Variants in EFCAB14 observed in about 807,000 individuals in gnomAD.
EFCAB14 encodes the protein EF-hand calcium binding domain 14, also known as EF-hand calcium-binding domain-containing protein 14.
EFCAB14 carries 43 observed loss-of-function variants against 56.5 expected under a neutral mutation model. The observed-to-expected ratio is 0.76, with a 90% CI of 0.60 to 0.98. The LOEUF (loss-of-function observed/expected upper bound fraction) is 0.98, where lower values mean the gene tolerates loss of function less well. Ranked by LOEUF, EFCAB14 falls within the 50% of genes least tolerant of loss-of-function variation. EFCAB14 has a pLI of 0.00. For synonymous variants in EFCAB14, 235 were observed against 212.9 expected, an observed-to-expected ratio of 1.10 and a Z score of -0.90; for missense variants, 538 against 580.3, an observed-to-expected ratio of 0.93 and a Z score of 0.75.
intron 2 of EFCAB14, among the ~76,000 whole-genome samples, chr1:46,713,800 G>T (rs1207143809): frequency 6.6e-6 from 1 of 152,170 alleles, no homozygotes; most frequent in Non-Finnish European, 1.5e-5. Flanking sequence ...ACAGACAGGT[G>T]TCTTCAGTGG....
At chr1:46,701,136 G>C (rs1677150153) in intron 3 of EFCAB14, among the ~76,000 whole-genome samples, 1 of 152,084 alleles carries the variant, frequency 6.6e-6, no homozygotes, top group Non-Finnish European at 1.5e-5. Context: ...TTTTTAAAAA[G>C]ACAAAAGATG....
At position 46,712,464 on chromosome 1, in the gene EFCAB14, A is replaced by C. The variant is rs1044706650; in HGVS notation, c.334+3831T>G. Among the ~76,000 whole-genome samples the C allele has an allele frequency of 2.6e-5, 4 of 152,028 alleles. No homozygotes were observed. In the South Asian group the frequency reaches 8.3e-4, roughly 32 times the overall value. Reference sequence around the variant, plus strand: ...AGGGCCAGTCAGTACTTTTAGCTTAAGGATCAAGTTTCTCTTTGACGAGAA... The same window carrying C: ...AGGGCCAGTCAGTACTTTTAGCTTACGGATCAAGTTTCTCTTTGACGAGAA... On this transcript the variant is annotated intron_variant, in intron 2 of 10. Transcript: ENST00000371933.
chr1:46,691,988 C>T lies in EFCAB14; in HGVS notation c.580-51G>A, dbSNP rs1315315354. 5 of 1,370,562 alleles carry T rather than the reference C, an allele frequency of 3.6e-6. No homozygotes were observed. The Middle Eastern group carries it at 7.9e-4, about 218-fold the overall frequency. 84.9% of individuals were successfully genotyped at this position (1,370,562 alleles called of 1,614,324 possible). A position where few individuals can be genotyped will look rare whatever the true frequency, so the allele number is the denominator to read the frequency against. On this transcript the variant is annotated intron_variant, in intron 4 of 10. Transcript: ENST00000371933. The stretch of plus-strand genomic sequence containing the variant: ...TAAAAAAGCTTTAAGAGACAACTGA[C>T]ATGCAATAAACTGTACATATTCAAA...
At chr1:46,680,973 C>CTT (rs202142759) in intron 10 of EFCAB14, among the ~76,000 whole-genome samples, 2 of 144,552 alleles carry the variant, frequency 1.4e-5, no homozygotes, top group Non-Finnish European at 3.1e-5. Flanking sequence ...ATATACATAA[C>CTT]TTTTTTTTTT....
intron 1 of EFCAB14, among the ~76,000 whole-genome samples, chr1:46,717,097 C>A (rs144603894): frequency 6.6e-6 from 1 of 152,314 alleles, no homozygotes; most frequent in East Asian, 1.9e-4. Context: ...TCTTCATAAC[C>A]CAAACCCAGG....
intron 3 of EFCAB14, among the ~76,000 whole-genome samples, chr1:46,701,074 G>T (rs1341406214): frequency 3.3e-5 from 5 of 151,810 alleles, no homozygotes; most frequent in Admixed American, 1.3e-4. Context: ...TTCTGTATGT[G>T]TTTTATAGTT....
At chr1:46,694,736 C>A (rs1677053460) in intron 4 of EFCAB14, among the ~76,000 whole-genome samples, 1 of 151,992 alleles carries the variant, frequency 6.6e-6, no homozygotes, top group Admixed American at 6.6e-5. Flanking sequence ...GGGTATATAC[C>A]CAAAGGATTA....
intron 10 of EFCAB14, among the ~76,000 whole-genome samples, chr1:46,681,663 G>GT (rs10654448): frequency 0.4 from 60,207 of 149,168 alleles, 12,874 homozygotes; most frequent in South Asian, 0.5. Context: ...GAAGAGTTCT[G>GT]TTTTTTTTTT....
At position 46,683,304 on chromosome 1, in the gene EFCAB14, A is replaced by G; in HGVS notation, c.1308T>C (p.Thr436=). 6.2e-7 allele frequency: 1 copy of G among 1,612,866 alleles called. No homozygotes were observed. The highest frequency in any genetic ancestry group is 8.5e-7 in the Non-Finnish European group (1 of 1,179,650). ...CCCCGTGGTATAAAAATTTACCTTCAGTGCTAGAAACTCCTGGTAGGGAGA... is the reference window on the plus strand; with the variant it reads ...CCCCGTGGTATAAAAATTTACCTTCGGTGCTAGAAACTCCTGGTAGGGAGA... ...RPISLPGVSS[T]EDLQDLFRKT... The change falls in exon 10 of 11, where the codon ACT becomes ACC. Residue 436 remains threonine, a synonymous_variant. Coordinates refer to ENST00000371933, the MANE Select transcript of EFCAB14 (RefSeq NM_014774.3).
intron 2 of EFCAB14, among the ~76,000 whole-genome samples, chr1:46,709,066 T>C (rs1204981953): frequency 1.3e-5 from 2 of 152,226 alleles, no homozygotes; most frequent in Non-Finnish European, 2.9e-5. Context: ...GACTATTTTG[T>C]TCATTTCTAC....
At chr1:46,698,609 G>A (rs1292767243) in intron 3 of EFCAB14, among the ~76,000 whole-genome samples, 2 of 152,208 alleles carry the variant, frequency 1.3e-5, no homozygotes, top group Admixed American at 1.3e-4. Flanking sequence ...ATTGGATGAA[G>A]CCTATTTCAG....
chr1:46,694,151 T>G (rs1472318294), intron 4 of EFCAB14, among the ~76,000 whole-genome samples: 2 of 152,136 alleles, frequency 1.3e-5, no homozygotes, highest in Non-Finnish European at 2.9e-5. Flanking sequence ...GCAATACCAT[T>G]CAGGACATAG....
At chr1:46,683,473 C>T (rs760929323) in intron 9 of EFCAB14, 48 bp from the exon 10 acceptor site, 1 of 1,568,670 alleles carries the variant, frequency 6.4e-7, no homozygotes, top group African/African-American at 1.4e-5. Flanking sequence ...AATCTAACAC[C>T]AAATTAAACT....
At position 46,718,177 on chromosome 1, in the gene EFCAB14, C is replaced by T. The variant is rs140806348; in HGVS notation, c.-90G>A. On this transcript the variant is annotated 5_prime_UTR_variant, in exon 1 of 11. Coordinates refer to ENST00000371933, the MANE Select transcript of EFCAB14 (RefSeq NM_014774.3). The stretch of plus-strand genomic sequence containing the variant: ...TCTCTTCCTGCCTTGGAGCTGCCTT[C>T]CAGGGTTGGGAATCCTGGGCCAGAG... The T allele has an allele frequency of 2.4e-4, 341 of 1,444,486 alleles. 1 individual carries two copies. In the African/African-American group the frequency reaches 4.1e-3, roughly 17 times the overall value. 89.5% of individuals were successfully genotyped at this position (1,444,486 alleles called of 1,614,324 possible).
rs1009192114 is a variant in EFCAB14 at position 46,718,232 on chromosome 1, A to G, written c.-145T>C. 1.4e-6 allele frequency: 1 copy of G among 735,490 alleles called. No homozygotes were observed. Among genetic ancestry groups the G allele is most frequent in the African/African-American group, 1.8e-5 (1 of 56,668 alleles). The allele number at this position is 735,490 out of a possible 1,614,324, so 45.6% of individuals were successfully genotyped here. ...CTGGTCACTCCCACCTAGGGGTGGG[A>G]CTGACCAGATCCGCCAGGGACTGGA... On this transcript the variant is annotated 5_prime_UTR_variant, in exon 1 of 11. Transcript: ENST00000371933.
chr1:46,685,877 T>G (rs1011789079), intron 8 of EFCAB14, among the ~76,000 whole-genome samples: 1 of 152,190 alleles, frequency 6.6e-6, no homozygotes, highest in African/African-American at 2.4e-5. Context: ...CAACAAAAGC[T>G]TAGCTTATGA....
chr1:46,691,961 T>C, intron 4 of EFCAB14, 24 bp from the exon 5 acceptor site: 1 of 1,582,810 alleles, frequency 6.3e-7, no homozygotes, highest in East Asian at 2.2e-5. Context: ...TATAGGAAGG[T>C]GTAAAAAAGC....
intron 2 of EFCAB14, among the ~76,000 whole-genome samples, chr1:46,713,627 A>T (rs1266368742): frequency 1.3e-5 from 2 of 152,212 alleles, no homozygotes; most frequent in East Asian, 3.8e-4. Flanking sequence ...CAGAAAAAGG[A>T]ATCCCTGGAT....
rs1233807019 is a variant in EFCAB14 at position 46,678,008 on chromosome 1, A to G, written c.*453T>C. On this transcript the variant is annotated 3_prime_UTR_variant, in exon 11 of 11. Coordinates refer to ENST00000371933, the MANE Select transcript of EFCAB14 (RefSeq NM_014774.3). ...CACAATATGCACAATGCTTTCTTTC[A>G]TTTAAATATTTACAAACAGAAAAGG... is the stretch of plus-strand genomic sequence containing the variant. 1 of 154,696 alleles carries G rather than the reference A, an allele frequency of 6.5e-6. No homozygotes were observed. Among genetic ancestry groups the G allele is most frequent in the Non-Finnish European group, 1.4e-5 (1 of 69,692 alleles). The allele number at this position is 154,696 out of a possible 1,614,324, so 9.6% of individuals were successfully genotyped here. A position where few individuals can be genotyped will look rare whatever the true frequency, so the allele number is the denominator to read the frequency against.
Sources: gnomAD v4.1 joint callset for allele counts (sites outside exome capture counted in the v4.1 genomes callset) on GRCh38, gnomAD v4.1.1 for gene constraint, MANE v1.5 for transcripts, NCBI Gene and HGNC (gene_info 2026-07-23, HGNC 2026-07-21) for gene names.